Variants in PCDH9 observed in about 807,000 individuals in gnomAD.
The protein encoded by PCDH9 is protocadherin 9.
Under a neutral mutation model 70.6 loss-of-function variants are expected in PCDH9, and 24 were observed. That is an observed-to-expected ratio of 0.34 (90% confidence interval 0.25 to 0.48). The LOEUF is 0.48. PCDH9 is among the 20% of genes least tolerant of loss of function. The probability of loss-of-function intolerance (pLI) is 0.99; values close to 1 mark genes in which losing one functional copy is unlikely to be tolerated. For missense variants in PCDH9, 1,281 were observed against 1,503.6 expected, an observed-to-expected ratio of 0.85 and a Z score of 2.45; for synonymous variants, 562 against 558.5, an observed-to-expected ratio of 1.01 and a Z score of -0.09.
At chr13:66,952,075 T>C (rs2083191406) in intron 2 of PCDH9, among the ~76,000 whole-genome samples, 1 of 152,142 alleles carries the variant, frequency 6.6e-6, no homozygotes, top group African/African-American at 2.4e-5. Context: ...TTCTCTGAAT[T>C]TTGTTGTATC....
At chr13:67,216,581 AT>A (rs1037201149) in intron 2 of PCDH9, 9 of 150,790 alleles carry the variant, frequency 6.0e-5, no homozygotes, top group African/African-American at 2.2e-4. Flanking sequence ...AGGAAAATAT[AT>A]TATCTGAGAC....
intron 3 of PCDH9, among the ~76,000 whole-genome samples, chr13:66,681,968 T>TA (rs1566502472): frequency 8.8e-5 from 13 of 148,538 alleles, no homozygotes; most frequent in East Asian, 3.9e-4. Context: ...TATATATATA[T>TA]TTGAGAGATT....
intron 3 of PCDH9, among the ~76,000 whole-genome samples, chr13:66,663,403 A>C (rs1039083301): frequency 2.6e-5 from 4 of 152,224 alleles, no homozygotes. Flanking sequence ...CTGAATTAGC[A>C]CTTTCCGAGA....
At chr13:66,718,017 TA>T (rs891348752) in intron 3 of PCDH9, among the ~76,000 whole-genome samples, 13 of 152,108 alleles carry the variant, frequency 8.5e-5, no homozygotes, top group Non-Finnish European at 1.2e-4. Context: ...TTTTTCATAT[TA>T]AAAAACAGTT....
chr13:66,513,455 C>T (rs537816977), intron 4 of PCDH9, among the ~76,000 whole-genome samples: 13 of 152,140 alleles, frequency 8.5e-5, no homozygotes, highest in African/African-American at 2.9e-4. Flanking sequence ...ATTTCATTCG[C>T]TAGCAGTGTT....
intron 2 of PCDH9, among the ~76,000 whole-genome samples, chr13:67,127,700 GTA>G (rs796630348): frequency 2.0e-5 from 3 of 150,998 alleles, no homozygotes; most frequent in Middle Eastern, 3.4e-3. Context: ...GTGTGTGTGT[GTA>G]TGTGTGTGTG....
intron 4 of PCDH9, among the ~76,000 whole-genome samples, chr13:66,416,355 A>G (rs566462443): frequency 6.6e-6 from 1 of 152,150 alleles, no homozygotes; most frequent in Admixed American, 6.6e-5. Flanking sequence ...TAACCTTAAG[A>G]AAACACCAAA....
chr13:66,653,689 C>T (rs551666757), intron 3 of PCDH9, among the ~76,000 whole-genome samples: 19 of 152,042 alleles, frequency 1.2e-4, no homozygotes, highest in South Asian at 2.1e-4. Context: ...AGAAAATCGC[C>T]GGGCACGGTG....
chr13:66,542,373 T>C (rs1162150945), intron 4 of PCDH9, among the ~76,000 whole-genome samples: 1 of 152,142 alleles, frequency 6.6e-6, no homozygotes, highest in Non-Finnish European at 1.5e-5. Flanking sequence ...AGGTGTTTTA[T>C]AGATGTTCAT....
chr13:66,909,207 A>G (rs1344758179), intron 2 of PCDH9, among the ~76,000 whole-genome samples: 2 of 152,158 alleles, frequency 1.3e-5, no homozygotes, highest in African/African-American at 4.8e-5. Context: ...CACTTACAAT[A>G]ACTACAAAAA....
intron 3 of PCDH9, among the ~76,000 whole-genome samples, chr13:66,813,123 G>A (rs1456838070): frequency 6.6e-6 from 1 of 152,130 alleles, no homozygotes; most frequent in Non-Finnish European, 1.5e-5. Context: ...TGATTGTGGG[G>A]ACTGACTGTT....
chr13:66,927,219 A>T (rs898956957), intron 2 of PCDH9, among the ~76,000 whole-genome samples: 105 of 152,166 alleles, frequency 6.9e-4, no homozygotes, highest in African/African-American at 2.5e-3. Context: ...AAAACAAATA[A>T]AAATGAATAA....
chr13:66,852,676 T>C (rs1210250692), intron 3 of PCDH9, among the ~76,000 whole-genome samples: 1 of 152,218 alleles, frequency 6.6e-6, no homozygotes, highest in African/African-American at 2.4e-5. Context: ...AAATGCTGAT[T>C]GCATTTACTT....
intron 2 of PCDH9, among the ~76,000 whole-genome samples, chr13:67,115,031 T>A (rs2086731595): frequency 6.6e-6 from 1 of 152,202 alleles, no homozygotes; most frequent in African/African-American, 2.4e-5. Flanking sequence ...TTTGTTTTGT[T>A]TTGTACAAAT....
chr13:66,445,901 A>G (rs1297257337), intron 4 of PCDH9, among the ~76,000 whole-genome samples: 3 of 151,028 alleles, frequency 2.0e-5, no homozygotes, highest in Non-Finnish European at 4.4e-5. Flanking sequence ...TTCCATGTTT[A>G]TTTCAAAGGC....
intron 3 of PCDH9, among the ~76,000 whole-genome samples, chr13:66,762,790 C>A (rs972539830): frequency 5.3e-5 from 8 of 151,828 alleles, no homozygotes; most frequent in African/African-American, 1.9e-4. Flanking sequence ...TATTATGAAA[C>A]ATAGACTATA....
chr13:67,074,994 C>T (rs577541864), intron 2 of PCDH9, among the ~76,000 whole-genome samples: 2 of 151,478 alleles, frequency 1.3e-5, no homozygotes, highest in East Asian at 1.9e-4. Flanking sequence ...TTTTTAGGTG[C>T]CATCTGTTGT....
At chr13:67,224,983 A>G (rs1394403222) in intron 2 of PCDH9, 1 of 1,021,648 alleles carries the variant, frequency 9.8e-7, no homozygotes, top group East Asian at 9.8e-5. Flanking sequence ...AATTGCAGTC[A>G]CACCTTCAAA....
intron 4 of PCDH9, among the ~76,000 whole-genome samples, chr13:66,592,540 T>C (rs534115462): frequency 1.0e-3 from 152 of 151,898 alleles, no homozygotes; most frequent in African/African-American, 3.3e-3. Context: ...CAATCGCGTT[T>C]ACCTTTATTT....
Sources: allele counts gnomAD v4.1 joint callset (sites outside exome capture counted in the v4.1 genomes callset), GRCh38; gene constraint gnomAD v4.1.1; transcripts MANE v1.5; gene names NCBI Gene and HGNC (gene_info 2026-07-23, HGNC 2026-07-21).